The following TMTC2 variants were observed in gnomAD, a reference collection of about 807,000 sequenced individuals.
TMTC2 encodes protein O-mannosyl-transferase TMTC2.
In TMTC2, 43 loss-of-function variants were observed where a neutral mutation model predicts 82.4. That is an observed-to-expected ratio of 0.52 (90% CI 0.41 to 0.67). TMTC2 has a LOEUF of 0.67. TMTC2 is among the 30% of genes least tolerant of loss of function. The probability of loss-of-function intolerance (pLI) is 0.00; values close to 1 mark genes in which losing one functional copy is unlikely to be tolerated. For missense variants in TMTC2, 919 were observed against 1,012.4 expected, an observed-to-expected ratio of 0.91 and a Z score of 1.25; for synonymous variants, 408 against 381.9, an observed-to-expected ratio of 1.07 and a Z score of -0.80.
At chr12:83,020,219 T>C (rs1305284084) in intron 8 of TMTC2, among the ~76,000 whole-genome samples, 1 of 152,184 alleles carries the variant, frequency 6.6e-6, no homozygotes, top group Non-Finnish European at 1.5e-5. Context: ...GCAGGAGTTG[T>C]GTGTGCTCCA....
At chr12:82,755,238 T>C in intron 1 of TMTC2, among the ~76,000 whole-genome samples, 1 of 152,210 alleles carries the variant, frequency 6.6e-6, no homozygotes, top group East Asian at 1.9e-4. Context: ...ATTTGTTCTT[T>C]TAAGATATTG....
intron 1 of TMTC2, among the ~76,000 whole-genome samples, chr12:82,797,448 C>T (rs1878776108): frequency 6.6e-6 from 1 of 152,052 alleles, no homozygotes; most frequent in African/African-American, 2.4e-5. Context: ...TTGAATTTTA[C>T]AGAGAAATGA....
At chr12:83,014,488 C>T (rs565226577) in intron 8 of TMTC2, among the ~76,000 whole-genome samples, 41 of 152,194 alleles carry the variant, frequency 2.7e-4, no homozygotes, top group Non-Finnish European at 3.7e-4. Flanking sequence ...TACAGGCGTC[C>T]GCCACCACAC....
chr12:83,014,766 C>T (rs555279521), intron 8 of TMTC2, among the ~76,000 whole-genome samples: 1 of 151,924 alleles, frequency 6.6e-6, no homozygotes, highest in South Asian at 2.1e-4. Flanking sequence ...TATTATTGTA[C>T]TGCACTTCTT....
chr12:83,094,803 T>C (rs770256679), intron 11 of TMTC2, among the ~76,000 whole-genome samples: 9 of 152,144 alleles, frequency 5.9e-5, no homozygotes, highest in Non-Finnish European at 1.3e-4. Context: ...CTGGTACTAG[T>C]TATTTAGATT....
chr12:82,807,571 T>C (rs1879303630), intron 1 of TMTC2, among the ~76,000 whole-genome samples: 1 of 152,114 alleles, frequency 6.6e-6, no homozygotes, highest in Non-Finnish European at 1.5e-5. Context: ...TTCTAATGAC[T>C]GATGGAAATA....
At chr12:82,912,001 T>C (rs963614989) in intron 3 of TMTC2, among the ~76,000 whole-genome samples, 2 of 152,202 alleles carry the variant, frequency 1.3e-5, no homozygotes, top group African/African-American at 4.8e-5. Context: ...AGGTTTTATT[T>C]TGTCTTGTAT....
At chr12:83,074,314 A>G (rs569000092) in intron 11 of TMTC2, among the ~76,000 whole-genome samples, 2 of 152,264 alleles carry the variant, frequency 1.3e-5, no homozygotes, top group African/African-American at 4.8e-5. Context: ...GCACAGCGTC[A>G]TATGATGTGA....
intron 11 of TMTC2, among the ~76,000 whole-genome samples, chr12:83,084,373 C>T (rs1883577027): frequency 6.6e-6 from 1 of 152,098 alleles, no homozygotes; most frequent in Non-Finnish European, 1.5e-5. Context: ...CTTTTAAAAA[C>T]ATAACTTACA....
chr12:82,950,680 C>T (rs1363330518), intron 4 of TMTC2, among the ~76,000 whole-genome samples: 1 of 152,204 alleles, frequency 6.6e-6, no homozygotes, highest in Non-Finnish European at 1.5e-5. Flanking sequence ...CATGTTCAAT[C>T]TCAGGAGAAG....
intron 1 of TMTC2, among the ~76,000 whole-genome samples, chr12:82,819,358 G>A (rs954201417): frequency 1.3e-5 from 2 of 151,874 alleles, no homozygotes; most frequent in Non-Finnish European, 2.9e-5. Context: ...TAACTGTTTA[G>A]ATAACATGGC....
chr12:82,895,896 T>C lies in TMTC2; in HGVS notation c.733T>C (p.Trp245Arg). ...GSSLLGARLY[W>R]MGNKPPSFSN... Reference sequence around the variant, plus strand: ...CTCCCTTTTGGGTGCCCGGTTATACTGGATGGGAAACAAACCACCAAGCTT... The same window carrying C: ...CTCCCTTTTGGGTGCCCGGTTATACCGGATGGGAAACAAACCACCAAGCTT... The change falls in exon 3 of 12, where the codon TGG (tryptophan) becomes CGG (arginine). Residue 245 changes from tryptophan to arginine, a missense_variant. By Grantham distance (101) the Trp-to-Arg change is moderately radical (BLOSUM62 -3). Coordinates refer to ENST00000321196, the MANE Select transcript of TMTC2 (RefSeq NM_152588.3). The C allele has an allele frequency of 1.2e-6, 2 of 1,614,060 alleles. No homozygotes were observed. Among genetic ancestry groups the C allele is most frequent in the Non-Finnish European group, 1.7e-6 (2 of 1,179,996 alleles).
At chr12:82,976,104 TCTCA>T (rs1355008350) in intron 7 of TMTC2, among the ~76,000 whole-genome samples, 1 of 152,074 alleles carries the variant, frequency 6.6e-6, no homozygotes. Context: ...ACACACACAA[TCTCA>T]CTCTATACTT....
chr12:82,808,054 TTTAAAAAACTGAATCTTAAATC>T (rs1288615035), intron 1 of TMTC2, among the ~76,000 whole-genome samples: 5 of 151,916 alleles, frequency 3.3e-5, no homozygotes, highest in African/African-American at 1.2e-4. Context: ...AGATTCAGTT[TTTAAAAAACTGAATCTTAAATC>T]TTAAAAATAT....
intron 1 of TMTC2, among the ~76,000 whole-genome samples, chr12:82,735,566 C>G (rs368862768): frequency 3.3e-5 from 5 of 151,792 alleles, no homozygotes; most frequent in African/African-American, 7.2e-5. Context: ...AGGATGGTCT[C>G]GATCTCCTGA....
At chr12:82,735,694 C>T (rs973716384) in intron 1 of TMTC2, among the ~76,000 whole-genome samples, 12 of 141,828 alleles carry the variant, frequency 8.5e-5, no homozygotes, top group African/African-American at 2.5e-4. Context: ...TGGTCGGGTG[C>T]GGTGGCTCAC....
At chr12:83,077,880 CTTTTTTTTTTT>C (rs751044763) in intron 11 of TMTC2, among the ~76,000 whole-genome samples, 9 of 92,956 alleles carry the variant, frequency 9.7e-5, no homozygotes, top group Non-Finnish European at 1.6e-4. Context: ...GACAATCTGT[CTTTTTTTTTTT>C]TTTTTTTTTT....
intron 1 of TMTC2, among the ~76,000 whole-genome samples, chr12:82,692,959 CT>C (rs1275744270): frequency 6.6e-6 from 1 of 152,080 alleles, no homozygotes; most frequent in Non-Finnish European, 1.5e-5. Context: ...TTTGTATGTG[CT>C]TTTGAGGAAT....
chr12:82,851,275 C>T (rs1312466219), intron 1 of TMTC2, among the ~76,000 whole-genome samples: 2 of 151,876 alleles, frequency 1.3e-5, no homozygotes, highest in Non-Finnish European at 2.9e-5. Context: ...ACTAAAAATA[C>T]AAAAATTAGC....
Sources: allele counts gnomAD v4.1 joint callset (sites outside exome capture counted in the v4.1 genomes callset), GRCh38; gene constraint gnomAD v4.1.1; transcripts MANE v1.5; gene names NCBI Gene and HGNC (gene_info 2026-07-23, HGNC 2026-07-21).